Variants in ALPK1 observed in about 807,000 individuals in gnomAD.
ALPK1 encodes alpha-protein kinase 1.
ALPK1 carries 110 observed loss-of-function variants against 120.6 expected under a neutral mutation model. The observed-to-expected ratio is 0.91, with a 90% CI of 0.78 to 1.07. ALPK1 has a LOEUF of 1.07. Among genes scored for constraint, ALPK1 ranks in the 50% least tolerant of loss-of-function variants. ALPK1 has a pLI of 0.00. For synonymous variants in ALPK1, 582 were observed against 560.3 expected (o/e 1.04, Z -0.55); for missense variants, 1,498 against 1,483.9 (o/e 1.01, Z -0.16).
At chr4:112,349,055 GT>G (rs576793050) in intron 2 of ALPK1, among the ~76,000 whole-genome samples, 10 of 145,682 alleles carry the variant, frequency 6.9e-5, no homozygotes, top group Admixed American at 2.7e-4. Context: ...TGCAGTTTTT[GT>G]TTTTTTTTTG....
rs1005343934 is a variant in ALPK1 at position 112,310,509 on chromosome 4, C to T, written c.-152-5292C>T. The stretch of plus-strand genomic sequence containing the variant: ...TGTCCATAGCATGGCCAAGTTTTTG[C>T]TCTTGTTCTATCAGGTTATTTAAAA... On this transcript the variant is annotated intron_variant, in intron 1 of 15. Transcript: ENST00000650871. Among the ~76,000 whole-genome samples, 12 of 152,172 alleles carry T rather than the reference C, an allele frequency of 7.9e-5. No homozygotes were observed. The Middle Eastern group carries it at 0.01, about 129-fold the overall frequency.
In ALPK1 at chr4:112,353,903, G is replaced by A. The variant is rs148743609; in HGVS notation, c.-100-23775G>A. Among the ~76,000 whole-genome samples, 6 of 145,644 alleles carry A rather than the reference G, an allele frequency of 4.1e-5. No individual in the cohort carries two copies. The East Asian group carries it at 1.2e-3, about 29-fold the overall frequency. ...AATAAATAAATAAATAAATAAATAA[G>A]TTGTGCAGGGTTTCCCATTGTGGTT... is the stretch of plus-strand genomic sequence containing the variant. On this transcript the variant is annotated intron_variant, in intron 2 of 15. Coordinates refer to ENST00000650871, the MANE Select transcript of ALPK1 (RefSeq NM_025144.4).
chr4:112,359,919 A>G (rs997671439), intron 2 of ALPK1: 5 of 177,892 alleles, frequency 2.8e-5, no homozygotes, highest in Non-Finnish European at 6.0e-5. Context: ...GCCAGAGAAC[A>G]CTTAAAATCT....
rs942022989 is a variant in ALPK1, at chr4:112,442,437, G to A, written c.*1227G>A. ...TGATGAGAGTAGGTGGACACATAGA[G>A]GGAACAACACACACCAGGGCTTATC... is the stretch of plus-strand genomic sequence containing the variant. On this transcript the variant is annotated 3_prime_UTR_variant, in exon 16 of 16. Transcript: ENST00000650871. 1.3e-5 allele frequency: 2 copies of A among 152,102 alleles called. No individual in the cohort carries two copies. The highest frequency in any genetic ancestry group is 2.9e-5 in the Non-Finnish European group (2 of 68,028). 9.4% of individuals were successfully genotyped at this position (152,102 alleles called of 1,614,324 possible).
chr4:112,393,317 A>G (rs1454927562), intron 4 of ALPK1, among the ~76,000 whole-genome samples: 1 of 152,226 alleles, frequency 6.6e-6, no homozygotes, highest in Non-Finnish European at 1.5e-5. Context: ...TGTTTCCAAA[A>G]GAGCAGGCTG....
At chr4:112,380,553 T>G (rs1731856789) in intron 3 of ALPK1, among the ~76,000 whole-genome samples, 1 of 152,200 alleles carries the variant, frequency 6.6e-6, no homozygotes, top group Admixed American at 6.5e-5. Flanking sequence ...GCCCAGTTCA[T>G]AAATGGTTCT....
intron 2 of ALPK1, among the ~76,000 whole-genome samples, chr4:112,372,368 A>G (rs1731453239): frequency 6.6e-6 from 1 of 151,876 alleles, no homozygotes; most frequent in Non-Finnish European, 1.5e-5. Context: ...GCCAGCCACC[A>G]CACCCGGCTA....
intron 5 of ALPK1, chr4:112,414,719 A>G (rs1016039915): frequency 3.7e-5 from 6 of 163,834 alleles, no homozygotes; most frequent in African/African-American, 1.4e-4. Flanking sequence ...CAGATTTCCA[A>G]TTCCATCAAC....
At chr4:112,337,041 A>G (rs1030176244) in intron 2 of ALPK1, among the ~76,000 whole-genome samples, 1 of 152,156 alleles carries the variant, frequency 6.6e-6, no homozygotes, top group Non-Finnish European at 1.5e-5. Flanking sequence ...TTATACTTCT[A>G]AAGTCTTAAT....
chr4:112,330,294 A>G (rs1578470870), intron 2 of ALPK1, among the ~76,000 whole-genome samples: 1 of 152,332 alleles, frequency 6.6e-6, no homozygotes, highest in East Asian at 1.9e-4. Flanking sequence ...TATTGCATGG[A>G]CACTTAAATA....
At chr4:112,380,612 C>CT (rs2148728171) in intron 3 of ALPK1, among the ~76,000 whole-genome samples, 1 of 152,146 alleles carries the variant, frequency 6.6e-6, no homozygotes, top group African/African-American at 2.4e-5. Flanking sequence ...TTTCTCTCTC[C>CT]TTTTTTCTTT....
chr4:112,440,812 A>AGTAT lies in ALPK1; in HGVS notation c.3539-103_3539-102insATGT, dbSNP rs1553965152. 59 of 1,328,162 alleles carry AGTAT rather than the reference A, an allele frequency of 4.4e-5. No homozygotes were observed. The African/African-American group carries it at 7.9e-4, about 18-fold the overall frequency. 82.3% of individuals were successfully genotyped at this position (1,328,162 alleles called of 1,614,324 possible). ...GCCAAGTTTTTGAATTATCTCTTTAAGTGTGTGTGTGTGTGTGTGTGTGTG... is the reference window on the plus strand; with the variant it reads ...GCCAAGTTTTTGAATTATCTCTTTAAGTATGTGTGTGTGTGTGTGTGTGTGTGTG... On this transcript the variant is annotated intron_variant, in intron 14 of 15. Coordinates refer to ENST00000650871, the MANE Select transcript of ALPK1 (RefSeq NM_025144.4).
At chr4:112,430,354 T>C (rs1734481332) in intron 10 of ALPK1, 94 bp from the exon 11 acceptor site, 1 of 1,206,056 alleles carries the variant, frequency 8.3e-7, no homozygotes, top group Non-Finnish European at 1.2e-6. Flanking sequence ...TCTATAATAT[T>C]TCAAATGACT....
At chr4:112,428,324 A>G (rs1266467047) in intron 9 of ALPK1, among the ~76,000 whole-genome samples, 1 of 152,222 alleles carries the variant, frequency 6.6e-6, no homozygotes, top group Non-Finnish European at 1.5e-5. Context: ...GCTGCTCTTC[A>G]CACTGTGCTT....
intron 5 of ALPK1, among the ~76,000 whole-genome samples, chr4:112,415,803 C>T (rs1014804457): frequency 1.3e-5 from 2 of 152,146 alleles, no homozygotes; most frequent in Admixed American, 6.5e-5. Context: ...AACACCCTCC[C>T]GGTTGGTGAG....
rs144602080 is a variant in ALPK1 at position 112,319,212 on chromosome 4, T to A, written c.-101+3360T>A. ...GACTGAGAAGCAAAGACCATACTTA[T>A]GAGGTGAGGTTGGCAGCTTTGTTGC... On this transcript the variant is annotated intron_variant, in intron 2 of 15. Transcript: ENST00000650871. 1.9e-3 allele frequency among the ~76,000 whole-genome samples: 290 copies of A among 152,180 alleles called. 4 individuals are homozygous for A. Among genetic ancestry groups the A allele is most frequent in the Admixed American group, 0.011 (162 of 15,282 alleles).
At chr4:112,386,972 A>G (rs1732180847) in intron 4 of ALPK1, among the ~76,000 whole-genome samples, 1 of 152,246 alleles carries the variant, frequency 6.6e-6, no homozygotes. Flanking sequence ...CAAGTGTCGG[A>G]GAAGGGCATT....
intron 4 of ALPK1, among the ~76,000 whole-genome samples, chr4:112,401,164 C>T (rs1014627834): frequency 1.4e-4 from 22 of 152,174 alleles, no homozygotes; most frequent in African/African-American, 4.1e-4. Flanking sequence ...TTTTCTCTAA[C>T]AGTAAGCATA....
intron 2 of ALPK1, chr4:112,356,352 G>T (rs1340035077): frequency 1.2e-6 from 1 of 850,282 alleles, no homozygotes; most frequent in Non-Finnish European, 2.0e-6. Flanking sequence ...TTTGCCGATA[G>T]GGTGCAAGGG....
Sources: allele counts gnomAD v4.1 joint callset (sites outside exome capture counted in the v4.1 genomes callset), GRCh38; gene constraint gnomAD v4.1.1; transcripts MANE v1.5; gene names NCBI Gene and HGNC (gene_info 2026-07-23, HGNC 2026-07-21).